MAPK10: variants seen among roughly 807,000 people sequenced by gnomAD.
MAPK10 encodes the protein mitogen-activated protein kinase 10.
Under a neutral mutation model 59.3 loss-of-function variants are expected in MAPK10, and 25 were observed. The observed-to-expected ratio is 0.42, with a 90% CI of 0.31 to 0.59. The LOEUF is 0.59. Ranked by LOEUF, MAPK10 falls within the 20% of genes least tolerant of loss-of-function variation. The probability of loss-of-function intolerance (pLI) is 0.15; values close to 1 mark genes in which losing one functional copy is unlikely to be tolerated. For missense variants in MAPK10, 351 were observed against 568.9 expected (o/e 0.62, Z 3.90); for synonymous variants, 190 against 200.5 (o/e 0.95, Z 0.44).
rs146147660 is a variant in MAPK10, at chr4:86,353,784, C to T, written c.-7+746G>A. Among the ~76,000 whole-genome samples the T allele has an allele frequency of 8.7e-3, 1,322 of 152,178 alleles. 24 individuals carry two copies. Among genetic ancestry groups the T allele is most frequent in the African/African-American group, 0.03 (1,242 of 41,522 alleles). ...AGCTCAAAATAGCTTCTTTTGGAGT[C>T]TTATAAGCACCACAGTCATACTCTA... On this transcript the variant is annotated intron_variant, in intron 2 of 13. Coordinates refer to ENST00000641462, the MANE Select transcript of MAPK10 (RefSeq NM_138982.4).
At chr4:86,436,274 T>C (rs1748705094) in intron 1 of MAPK10, among the ~76,000 whole-genome samples, 1 of 152,234 alleles carries the variant, frequency 6.6e-6, no homozygotes, top group South Asian at 2.1e-4. Flanking sequence ...AAAATCCTTT[T>C]AGTTTTATTA....
At chr4:86,408,175 T>C (rs1744619685) in intron 1 of MAPK10, among the ~76,000 whole-genome samples, 1 of 151,880 alleles carries the variant, frequency 6.6e-6, no homozygotes, top group East Asian at 1.9e-4. Flanking sequence ...CTTGTGATAG[T>C]TTGCTTAGAA....
At chr4:86,465,809 T>C (rs890694443) in intron 1 of MAPK10, among the ~76,000 whole-genome samples, 2 of 152,170 alleles carry the variant, frequency 1.3e-5, no homozygotes, top group Non-Finnish European at 2.9e-5. Flanking sequence ...ATGTTGAGAC[T>C]GACACTGAGA....
chr4:86,204,603 A>G (rs1352051690), intron 2 of MAPK10, among the ~76,000 whole-genome samples: 2 of 152,164 alleles, frequency 1.3e-5, no homozygotes, highest in East Asian at 3.9e-4. Flanking sequence ...GAATGGAAAC[A>G]AAAGAGGAAC....
At chr4:86,136,897 A>G (rs2062294144) in intron 4 of MAPK10, among the ~76,000 whole-genome samples, 1 of 152,218 alleles carries the variant, frequency 6.6e-6, no homozygotes, top group South Asian at 2.1e-4. Context: ...AGTCTCTGAT[A>G]AAACAGATTT....
At chr4:86,168,491 T>C (rs6827405) in intron 3 of MAPK10, among the ~76,000 whole-genome samples, 44,972 of 152,116 alleles carry the variant, frequency 0.3, 8,786 homozygotes, top group African/African-American at 0.56. Context: ...AACTGCAAGG[T>C]GGCAGCGAGG....
In MAPK10 at chr4:86,240,091, TA is replaced by T. The variant is rs1403659605; in HGVS notation, c.-6-45685del. ...TCAAAGAACTTCTTGATTTCTGCCT[TA>T]ATTTTATTATTTATCCAGGAGTCAT... On this transcript the variant is annotated intron_variant, in intron 2 of 13. Coordinates refer to ENST00000641462, the MANE Select transcript of MAPK10 (RefSeq NM_138982.4). Among the ~76,000 whole-genome samples the T allele has an allele frequency of 6.6e-5, 10 of 152,338 alleles. No individual in the cohort carries two copies. In the East Asian group the frequency reaches 1.7e-3, roughly 26 times the overall value.
At chr4:86,266,747 T>C (rs1289215564) in intron 2 of MAPK10, among the ~76,000 whole-genome samples, 2 of 152,170 alleles carry the variant, frequency 1.3e-5, no homozygotes, top group African/African-American at 2.4e-5. Context: ...GAAATTCAGT[T>C]AATCCTCTTA....
intron 1 of MAPK10, among the ~76,000 whole-genome samples, chr4:86,375,080 T>A (rs546120777): frequency 6.6e-6 from 1 of 152,322 alleles, no homozygotes; most frequent in South Asian, 2.1e-4. Flanking sequence ...TGCGAGGGAT[T>A]TTTAAATTGC....
intron 9 of MAPK10, chr4:86,089,143 G>T: frequency 7.9e-7 from 1 of 1,269,008 alleles, no homozygotes; most frequent in East Asian, 2.4e-5. Context: ...TACTGCATTT[G>T]AGACAAAAGG....
chr4:86,273,196 C>T (rs1348485142), intron 2 of MAPK10, among the ~76,000 whole-genome samples: 1 of 151,658 alleles, frequency 6.6e-6, no homozygotes, highest in Non-Finnish European at 1.5e-5. Context: ...CAAAGTCTAA[C>T]GTAATAAAAA....
In MAPK10 at chr4:86,098,528, C is replaced by T; in HGVS notation, c.798G>A (p.Arg266=). ...MVRHKILFPG[R]DYIDQWNKVI... ...TAGCAAAAGGTACAAGGATACAGTC[C>T]CTTCCTGGAAAGAGGATTTTGTGGC... Residue 266 remains arginine (R), a synonymous_variant, in exon 9 of 14, where the codon AGG becomes AGA. Coordinates refer to ENST00000641462, the MANE Select transcript of MAPK10 (RefSeq NM_138982.4). 6 of 1,612,866 alleles carry T rather than the reference C, an allele frequency of 3.7e-6. No homozygotes were observed. The highest frequency in any genetic ancestry group is 1.3e-5 in the African/African-American group (1 of 74,942).
chr4:86,184,445 A>G (rs993121681), intron 3 of MAPK10, among the ~76,000 whole-genome samples: 75 of 152,194 alleles, frequency 4.9e-4, no homozygotes, highest in African/African-American at 1.6e-3. Flanking sequence ...GCTACTGATT[A>G]CATAAGCAAA....
chr4:86,251,745 C>T (rs1030852257), intron 2 of MAPK10, among the ~76,000 whole-genome samples: 9 of 131,772 alleles, frequency 6.8e-5, no homozygotes, highest in South Asian at 2.4e-4. Context: ...CCTGAGGAAT[C>T]GCCACACTGA....
At chr4:86,076,892 C>T (rs2049606722) in intron 9 of MAPK10, among the ~76,000 whole-genome samples, 1 of 152,128 alleles carries the variant, frequency 6.6e-6, no homozygotes, top group Non-Finnish European at 1.5e-5. Context: ...TTTTATACCA[C>T]ATAGAGTAAG....
At chr4:86,182,933 G>T (rs559283396) in intron 3 of MAPK10, among the ~76,000 whole-genome samples, 40 of 151,944 alleles carry the variant, frequency 2.6e-4, no homozygotes, top group African/African-American at 9.4e-4. Context: ...TGCTTTAAAA[G>T]AACTCTCATT....
chr4:86,349,191 A>AT lies in MAPK10; in HGVS notation c.-7+5338dup, dbSNP rs1729845406. 7.2e-5 allele frequency among the ~76,000 whole-genome samples: 11 copies of AT among 152,314 alleles called. No individual in the cohort carries two copies. In the East Asian group the frequency reaches 2.1e-3, roughly 29 times the overall value. ...GAGAGATTGGCAAACAACATAGGCT[A>AT]TTACCTAACCTATTTAAATAAGATT... is the stretch of plus-strand genomic sequence containing the variant. On this transcript the variant is annotated intron_variant, in intron 2 of 13. Coordinates refer to ENST00000641462, the MANE Select transcript of MAPK10 (RefSeq NM_138982.4).
chr4:86,034,874 A>G (rs1299223709), intron 11 of MAPK10, among the ~76,000 whole-genome samples: 1 of 152,162 alleles, frequency 6.6e-6, no homozygotes, highest in Non-Finnish European at 1.5e-5. Context: ...AAGCCAAGTT[A>G]CAGTATGTAG....
intron 1 of MAPK10, among the ~76,000 whole-genome samples, chr4:86,489,625 A>G (rs753063059): frequency 6.6e-6 from 1 of 152,222 alleles, no homozygotes; most frequent in Non-Finnish European, 1.5e-5. Flanking sequence ...CTCCTAAAGT[A>G]GTATTTTGAG....
Sources: gnomAD v4.1 joint callset for allele counts (sites outside exome capture counted in the v4.1 genomes callset) on GRCh38, gnomAD v4.1.1 for gene constraint, MANE v1.5 for transcripts, NCBI Gene and HGNC (gene_info 2026-07-23, HGNC 2026-07-21) for gene names.